The following PDLIM7 variants were observed in gnomAD, a reference collection of about 807,000 sequenced individuals.
PDLIM7 encodes the protein PDZ and LIM domain protein 7.
A neutral mutation model predicts 53.9 loss-of-function variants in PDLIM7; 37 were observed. That is an observed-to-expected ratio of 0.69 (90% CI 0.53 to 0.90). PDLIM7 has a LOEUF of 0.90. Ranked by LOEUF, PDLIM7 falls within the 40% of genes least tolerant of loss-of-function variation. PDLIM7 has a pLI of 0.00. For missense variants in PDLIM7, 617 were observed against 638.5 expected (o/e 0.97, Z 0.36); for synonymous variants, 300 against 261.3 (o/e 1.15, Z -1.43).
intron 9 of PDLIM7, among the ~76,000 whole-genome samples, chr5:177,488,603 G>C (rs1341598350): frequency 6.6e-6 from 1 of 152,224 alleles, no homozygotes; most frequent in Non-Finnish European, 1.5e-5. Context: ...AGCTGATAGA[G>C]TCGGCTGGGC....
In PDLIM7 at chr5:177,492,743, G is replaced by A. The variant is rs575749149; in HGVS notation, c.97-66C>T. The A allele has an allele frequency of 6.8e-5, 104 of 1,539,128 alleles. No individual in the cohort carries two copies. The South Asian group carries it at 1.1e-3, about 16-fold the overall frequency. On this transcript the variant is annotated intron_variant, in intron 2 of 12. Coordinates refer to ENST00000355841, the MANE Select transcript of PDLIM7 (RefSeq NM_005451.5). ...GCAGACCCAAGCCAGGCTGACGGTG[G>A]TAACACTGCCCCACCCAAAGCTGTC...
chr5:177,490,878 C>T lies in PDLIM7; in HGVS notation c.564G>A (p.Lys188=). Residue 188 remains lysine, a synonymous_variant, in exon 7 of 13, where the codon AAG becomes AAA. Coordinates refer to ENST00000355841, the MANE Select transcript of PDLIM7 (RefSeq NM_005451.5). Reference sequence around the variant, plus strand: ...GGTGCCCGTCCCTGTACCTTGATTTCTTCAGGTGCTCCTCATCCGGGTCTT... The same window carrying T: ...GGTGCCCGTCCCTGTACCTTGATTTTTTCAGGTGCTCCTCATCCGGGTCTT... ...FMQDPDEEHL[K]KSSQVPRTEA... 6.2e-7 allele frequency: 1 copy of T among 1,614,046 alleles called. No individual in the cohort carries two copies. Among genetic ancestry groups the T allele is most frequent in the East Asian group, 2.2e-5 (1 of 44,872 alleles).
rs1035422122 is a variant in PDLIM7, at chr5:177,497,577, C to T, written c.-61G>A. 2 of 152,300 alleles carry T rather than the reference C, an allele frequency of 1.3e-5. No homozygotes were observed. The highest frequency in any genetic ancestry group is 2.9e-5 in the Non-Finnish European group (2 of 68,096). The allele number at this position is 152,300 out of a possible 1,614,324, so 9.4% of individuals were successfully genotyped here. A position where few individuals can be genotyped will look rare whatever the true frequency, so the allele number is the denominator to read the frequency against. The stretch of plus-strand genomic sequence containing the variant: ...CTCTGCGTCGGGCTCCAGGGAGCCT[C>T]GTTGGGATCGGCCGCCAGTGTTCTG... On this transcript the variant is annotated 5_prime_UTR_variant, in exon 1 of 13. Transcript: ENST00000355841.
At chr5:177,494,048 G>A (rs751504926) in intron 2 of PDLIM7, among the ~76,000 whole-genome samples, 9 of 152,316 alleles carry the variant, frequency 5.9e-5, no homozygotes, top group East Asian at 5.8e-4. Context: ...AAGAGAGCTC[G>A]GCGGCCCCTT....
intron 4 of PDLIM7, 102 bp downstream of exon 4, chr5:177,492,303 C>A: frequency 6.8e-7 from 1 of 1,460,744 alleles, no homozygotes; most frequent in East Asian, 2.5e-5. Flanking sequence ...CCTCCACTCC[C>A]GGCCAGGGAT....
At chr5:177,492,951 T>G (rs1220159768) in intron 2 of PDLIM7, 4 of 472,814 alleles carry the variant, frequency 8.5e-6, no homozygotes, top group Non-Finnish European at 1.5e-5. Flanking sequence ...CCAGTCACGA[T>G]GCTTATCTAT....
rs1185596223 is a variant in PDLIM7 at position 177,491,082 on chromosome 5, A to C, written c.463T>G (p.Trp155Gly). The change falls in exon 6 of 13, where the codon TGG (tryptophan) becomes GGG (glycine). Residue 155 changes from tryptophan (W) to glycine (G), a missense_variant. Physicochemically the swap from Trp to Gly is radical, Grantham distance 184 (BLOSUM62 -2). Transcript: ENST00000355841. ...KQRLMENTED[W>G]RPRPGTGQSR... ...TGGCCTGTCCCCGGCCGCGGCCGCC[A>C]GTCCTCTGTGTTCTCCATCAGCCGC... 1 of 1,611,764 alleles carries C rather than the reference A, an allele frequency of 6.2e-7. No homozygotes were observed. The highest frequency in any genetic ancestry group is 8.5e-7 in the Non-Finnish European group (1 of 1,179,440).
In PDLIM7 at chr5:177,484,095, C is replaced by T. The variant is rs1377239587; in HGVS notation, c.1146G>A (p.Glu382=). 3 of 1,613,938 alleles carry T rather than the reference C, an allele frequency of 1.9e-6. No individual in the cohort carries two copies. The African/African-American group carries it at 4.0e-5, about 22-fold the overall frequency. ...TPIRNRAFYM[E]EGVPYCERDY... Reference sequence around the variant, plus strand: ...CTCGCTCGCAATAGGGCACGCCCTCCTCCATGTAGAAGGCCCTGTTCCGGA... The same window carrying T: ...CTCGCTCGCAATAGGGCACGCCCTCTTCCATGTAGAAGGCCCTGTTCCGGA... Residue 382 remains glutamate, a synonymous_variant, in exon 11 of 13, where the codon GAG becomes GAA. Transcript: ENST00000355841.
At position 177,489,515 on chromosome 5, in the gene PDLIM7, C is replaced by T. The variant is rs335462; in HGVS notation, c.747G>A (p.Pro249=). Residue 249 remains proline (P), a synonymous_variant, in exon 9 of 13, where the codon CCG becomes CCA. Transcript: ENST00000355841. ...TSTVLTRHSQ[P]ATPTPLQSRT... The stretch of plus-strand genomic sequence containing the variant: ...GGCTCTGCAGCGGCGTGGGCGTGGC[C>T]GGCTGGCTGTGCCGGGTCAGCACTG... The T allele has an allele frequency of 0.5, 802,347 of 1,607,684 alleles. 202,943 individuals carry two copies. The highest frequency in any genetic ancestry group is 0.52 in the South Asian group (47,275 of 90,172).
chr5:177,489,800 G>A lies in PDLIM7; in HGVS notation c.605C>T (p.Ala202Val). ...QVPRTEAPAP[A>V]SSTPQEPWPG... ...CCAGGGCTCCTGGGGTGTAGATGAG[G>A]CTGGGGCTGGGGCTTCTGTCCTGGG... Residue 202 changes from alanine to valine, a missense_variant, in exon 8 of 13, where the codon GCC (alanine) becomes GTC (valine). By Grantham distance (64) the Ala-to-Val change is moderately conservative. Coordinates refer to ENST00000355841, the MANE Select transcript of PDLIM7 (RefSeq NM_005451.5). 6.3e-7 allele frequency: 1 copy of A among 1,583,944 alleles called. No homozygotes were observed. The highest frequency in any genetic ancestry group is 8.6e-7 in the Non-Finnish European group (1 of 1,166,988).
At chr5:177,494,600 A>G (rs1047270067) in intron 2 of PDLIM7, among the ~76,000 whole-genome samples, 4 of 151,680 alleles carry the variant, frequency 2.6e-5, no homozygotes, top group Admixed American at 2.0e-4. Flanking sequence ...CAGAGTGAGG[A>G]GGGCAGGAAG....
chr5:177,491,058 G>C lies in PDLIM7; in HGVS notation c.487C>G (p.Gln163Glu). The change falls in exon 6 of 13, where the codon CAG becomes GAG. Residue 163 changes from glutamine to glutamate, a missense_variant. Physicochemically the swap from Gln to Glu is conservative, Grantham distance 29 (BLOSUM62 2). Coordinates refer to ENST00000355841, the MANE Select transcript of PDLIM7 (RefSeq NM_005451.5). ...GCAAGGATGCGGAAGGAACGCGACTGGCCTGTCCCCGGCCGCGGCCGCCAG... is the reference window on the plus strand; with the variant it reads ...GCAAGGATGCGGAAGGAACGCGACTCGCCTGTCCCCGGCCGCGGCCGCCAG... Reference protein sequence around the residue: ...EDWRPRPGTGQSRSFRILAHL... With the variant: ...EDWRPRPGTGESRSFRILAHL... 6.2e-7 allele frequency: 1 copy of C among 1,611,966 alleles called. No individual in the cohort carries two copies. The highest frequency in any genetic ancestry group is 1.1e-5 in the South Asian group (1 of 90,828).
At chr5:177,486,780 T>TGCCCG (rs1561699623) in intron 10 of PDLIM7, among the ~76,000 whole-genome samples, 1 of 146,418 alleles carries the variant, frequency 6.8e-6, no homozygotes, top group Non-Finnish European at 1.5e-5. Flanking sequence ...CTGGGACTAC[T>TGCCCG]CCACCATGCC....
rs371419895 is a variant in PDLIM7 at position 177,490,394 on chromosome 5, G to T, written c.572+476C>A. ...GGAGGCTCAGGCCAGGGGCACGAAA[G>T]GGGGGGTGAGGTAGGCAGAAGCTGG... On this transcript the variant is annotated intron_variant, in intron 7 of 12. Transcript: ENST00000355841. 94 of 1,484,026 alleles carry T rather than the reference G, an allele frequency of 6.3e-5. No individual in the cohort carries two copies. In the African/African-American group the frequency reaches 9.9e-4, roughly 16 times the overall value. 91.9% of individuals were successfully genotyped at this position (1,484,026 alleles called of 1,614,324 possible).
At chr5:177,495,255 A>C (rs1759010305) in intron 2 of PDLIM7, 1 of 152,560 alleles carries the variant, frequency 6.6e-6, no homozygotes, top group Non-Finnish European at 1.5e-5. Flanking sequence ...AGGACCCCTG[A>C]GAAGAGCACT....
At chr5:177,492,370 C>T (rs750869033) in intron 4 of PDLIM7, 35 bp downstream of exon 4, 13 of 1,609,980 alleles carry the variant, frequency 8.1e-6, no homozygotes, top group Non-Finnish European at 1.1e-5. Flanking sequence ...AAGCCCACAC[C>T]GCCCACCGCC....
chr5:177,493,443 C>T (rs942641560), intron 2 of PDLIM7, among the ~76,000 whole-genome samples: 1 of 152,232 alleles, frequency 6.6e-6, no homozygotes, highest in Admixed American at 6.5e-5. Context: ...GGAGAAATGG[C>T]TGCCACCAGC....
At chr5:177,484,505 A>C (rs1230187325) in intron 10 of PDLIM7, 1 of 303,884 alleles carries the variant, frequency 3.3e-6, no homozygotes, top group Non-Finnish European at 6.3e-6. Context: ...CCCTCCTCTC[A>C]CACCCCACAC....
intron 5 of PDLIM7, 88 bp downstream of exon 5, chr5:177,491,719 G>A: frequency 3.9e-6 from 3 of 760,482 alleles, no homozygotes; most frequent in Non-Finnish European, 3.9e-6. Flanking sequence ...GGGCTGGGGC[G>A]CAGCACAGAC....
Sources: allele counts gnomAD v4.1 joint callset (sites outside exome capture counted in the v4.1 genomes callset), GRCh38; gene constraint gnomAD v4.1.1; transcripts MANE v1.5; gene names NCBI Gene and HGNC (gene_info 2026-07-23, HGNC 2026-07-21).